The following VPS13C variants were observed in gnomAD, a reference collection of about 807,000 sequenced individuals.
VPS13C encodes intermembrane lipid transfer protein VPS13C.
VPS13C carries 358 observed loss-of-function variants against 456.8 expected under a neutral mutation model. That is an observed-to-expected ratio of 0.78 (90% confidence interval 0.72 to 0.86). The LOEUF (loss-of-function observed/expected upper bound fraction) is 0.86, where lower values mean the gene tolerates loss of function less well. Ranked by LOEUF, VPS13C falls within the 40% of genes least tolerant of loss-of-function variation. The probability of loss-of-function intolerance (pLI) is 0.00; values close to 1 mark genes in which losing one functional copy is unlikely to be tolerated. For missense variants in VPS13C, 4,818 were observed against 4,385.4 expected (o/e 1.10, Z -2.79); for synonymous variants, 1,578 against 1,486.7 (o/e 1.06, Z -1.41).
intron 10 of VPS13C, 116 bp downstream of exon 10, chr15:62,013,817 A>T: frequency 1.4e-6 from 1 of 708,658 alleles, no homozygotes; most frequent in African/African-American, 1.8e-5. Context: ...CCAAAACTAG[A>T]CCCTAGACTT....
At chr15:62,013,173 C>A in intron 10 of VPS13C, 54 bp from the exon 11 acceptor site, 3 of 1,338,896 alleles carry the variant, frequency 2.2e-6, no homozygotes, top group South Asian at 1.4e-5. Context: ...AATTATGAAT[C>A]AATATTAAAA....
chr15:61,998,014 A>T (rs903750643), intron 16 of VPS13C, among the ~76,000 whole-genome samples: 2 of 152,190 alleles, frequency 1.3e-5, no homozygotes, highest in Admixed American at 1.3e-4. Context: ...CTCAACTCCC[A>T]CGAGCAGCCC....
intron 66 of VPS13C, among the ~76,000 whole-genome samples, chr15:61,895,820 C>A (rs574371312): frequency 2.0e-5 from 3 of 151,832 alleles, no homozygotes; most frequent in African/African-American, 7.3e-5. Context: ...GGAAGAAGGG[C>A]GGATAGGGAA....
intron 1 of VPS13C, among the ~76,000 whole-genome samples, chr15:62,057,975 T>C (rs1364673301): frequency 1.3e-5 from 2 of 152,246 alleles, no homozygotes; most frequent in Non-Finnish European, 2.9e-5. Context: ...ATACGTTTTA[T>C]CTTTTTAAAA....
chr15:61,945,745 A>T lies in VPS13C; in HGVS notation c.5118T>A (p.Val1706=), dbSNP rs2044582887. ...GAGACATGAAGAATTTATGAACATA[A>T]ACAATCTGAATACAACCCACTTTAA... is the stretch of plus-strand genomic sequence containing the variant. ...LSFKVGCIQI[V]YVHKFFMSLL... The change falls in exon 45 of 85, where the codon GTT becomes GTA. Residue 1706 remains valine, a synonymous_variant. Coordinates refer to ENST00000644861, the MANE Select transcript of VPS13C (RefSeq NM_020821.3). 6.3e-7 allele frequency: 1 copy of T among 1,599,728 alleles called. No homozygotes were observed. The highest frequency in any genetic ancestry group is 8.5e-7 in the Non-Finnish European group (1 of 1,175,642).
intron 8 of VPS13C, among the ~76,000 whole-genome samples, chr15:62,022,173 A>G (rs1407400463): frequency 2.0e-5 from 3 of 151,852 alleles, no homozygotes; most frequent in African/African-American, 4.8e-5. Context: ...TCCTCTGGAG[A>G]TATGTTCCAA....
intron 12 of VPS13C, among the ~76,000 whole-genome samples, 197 bp from the exon 13 acceptor site, chr15:62,010,796 C>T (rs145284286): frequency 1.3e-5 from 2 of 152,060 alleles, no homozygotes; most frequent in Admixed American, 1.3e-4. Context: ...ATGGTTAAAG[C>T]GAAATCTCCA....
intron 68 of VPS13C, among the ~76,000 whole-genome samples, chr15:61,883,293 T>G (rs1896014100): frequency 6.6e-6 from 1 of 151,758 alleles, no homozygotes; most frequent in Non-Finnish European, 1.5e-5. Flanking sequence ...TGCCTCAGCC[T>G]CCTAAAGTAC....
intron 66 of VPS13C, among the ~76,000 whole-genome samples, chr15:61,901,360 A>G (rs2042990161): frequency 1.3e-5 from 2 of 152,128 alleles, no homozygotes; most frequent in African/African-American, 4.8e-5. Flanking sequence ...CAACCTACTC[A>G]TCTGACAAAG....
chr15:62,035,893 G>T (rs1460950432), intron 3 of VPS13C, among the ~76,000 whole-genome samples: 1 of 151,964 alleles, frequency 6.6e-6, no homozygotes, highest in Non-Finnish European at 1.5e-5. Flanking sequence ...TTTTATGGGG[G>T]AAAAGCCTGT....
intron 16 of VPS13C, among the ~76,000 whole-genome samples, chr15:61,998,386 T>C (rs1461905836): frequency 5.9e-5 from 9 of 152,220 alleles, no homozygotes; most frequent in African/African-American, 2.2e-4. Flanking sequence ...AAATAAAAGA[T>C]TTTTGTCTGT....
rs2042984670 is a variant in VPS13C, at chr15:61,901,187, G to A, written c.9105+6077C>T. On this transcript the variant is annotated intron_variant, in intron 66 of 84. Transcript: ENST00000644861. ...AGAAAACCTAGACATTACCATTCAG[G>A]ACATAGGCATGGGCGAGGACTTCAT... 3.9e-5 allele frequency among the ~76,000 whole-genome samples: 6 copies of A among 151,992 alleles called. No homozygotes were observed. In the South Asian group the frequency reaches 1.0e-3, roughly 26 times the overall value.
intron 9 of VPS13C, among the ~76,000 whole-genome samples, chr15:62,017,912 C>A (rs2047317235): frequency 1.3e-5 from 2 of 152,174 alleles, no homozygotes; most frequent in Admixed American, 1.3e-4. Context: ...TTCTTCCTAT[C>A]CATGAGCATG....
chr15:61,975,098 T>C lies in VPS13C; in HGVS notation c.2409-681A>G, dbSNP rs900090342. Reference sequence around the variant, plus strand: ...ACAGCTCAAGCTGACAGATGCCTAATTGCTGGATGCCACACTGGGGTACAG... The same window carrying C: ...ACAGCTCAAGCTGACAGATGCCTAACTGCTGGATGCCACACTGGGGTACAG... On this transcript the variant is annotated intron_variant, in intron 24 of 84. Transcript: ENST00000644861. Among the ~76,000 whole-genome samples, 5 of 152,124 alleles carry C rather than the reference T, an allele frequency of 3.3e-5. No homozygotes were observed. The East Asian group carries it at 5.8e-4, about 18-fold the overall frequency.
intron 82 of VPS13C, among the ~76,000 whole-genome samples, chr15:61,860,041 A>G (rs1305758395): frequency 1.3e-5 from 2 of 152,174 alleles, no homozygotes; most frequent in African/African-American, 4.8e-5. Context: ...AATGCTATAT[A>G]CTGAGAAACT....
In VPS13C at chr15:61,919,283, T is replaced by C. The variant is rs2043570577; in HGVS notation, c.7638+6A>G. 4 of 1,583,168 alleles carry C rather than the reference T, an allele frequency of 2.5e-6. No homozygotes were observed. The South Asian group carries it at 4.7e-5, about 19-fold the overall frequency. On this transcript the variant is annotated splice_donor_region_variant and intron_variant, in intron 58 of 84. Coordinates refer to ENST00000644861, the MANE Select transcript of VPS13C (RefSeq NM_020821.3). ...GAAAGGGATACAATTAACTTTGAAG[T>C]ATTACCTGTAGAGGAGAGCGAAGGG...
chr15:61,907,201 T>C (rs938137695), intron 66 of VPS13C, 63 bp downstream of exon 66: 11 of 1,605,020 alleles, frequency 6.9e-6, no homozygotes, highest in Non-Finnish European at 9.4e-6. Context: ...TCAGTGAAGA[T>C]AGCTTCTCTA....
In VPS13C at chr15:61,852,663, A is replaced by G. The variant is rs1329566031; in HGVS notation, c.*1794T>C. The G allele has an allele frequency of 6.6e-6, 1 of 152,246 alleles. No homozygotes were observed. The allele number at this position is 152,246 out of a possible 1,614,324, so 9.4% of individuals were successfully genotyped here. The stretch of plus-strand genomic sequence containing the variant: ...TTTTAAAAACACAAAACACTAGAAC[A>G]GTTGCTATGAAATTACTGATAATGA... On this transcript the variant is annotated 3_prime_UTR_variant, in exon 85 of 85. Coordinates refer to ENST00000644861, the MANE Select transcript of VPS13C (RefSeq NM_020821.3).
At chr15:61,981,822 C>T (rs761236065) in intron 21 of VPS13C, among the ~76,000 whole-genome samples, 16 of 151,910 alleles carry the variant, frequency 1.1e-4, no homozygotes, top group Non-Finnish European at 1.8e-4. Context: ...GAGATTGTGC[C>T]ACTGCACTCC....
Sources: gnomAD v4.1 joint callset for allele counts (sites outside exome capture counted in the v4.1 genomes callset) on GRCh38, gnomAD v4.1.1 for gene constraint, MANE v1.5 for transcripts, NCBI Gene and HGNC (gene_info 2026-07-23, HGNC 2026-07-21) for gene names.